DNM3: variants seen among roughly 807,000 people sequenced by gnomAD.
DNM3 encodes dynamin-3.
A neutral mutation model predicts 101.6 loss-of-function variants in DNM3; 47 were observed. That is an observed-to-expected ratio of 0.46 (90% CI 0.37 to 0.59). The LOEUF (loss-of-function observed/expected upper bound fraction) is 0.59, where lower values mean the gene tolerates loss of function less well. DNM3 is among the 20% of genes least tolerant of loss of function. The probability of loss-of-function intolerance (pLI) is 0.00; values close to 1 mark genes in which losing one functional copy is unlikely to be tolerated. For synonymous variants in DNM3, 385 were observed against 387.9 expected (o/e 0.99, Z 0.09); for missense variants, 849 against 1,085.7 (o/e 0.78, Z 3.06).
intron 15 of DNM3, among the ~76,000 whole-genome samples, chr1:172,303,033 G>A (rs915501041): frequency 6.6e-6 from 1 of 152,162 alleles, no homozygotes; most frequent in Non-Finnish European, 1.5e-5. Context: ...GAATGACTTT[G>A]ATGAGTTGAC....
In DNM3 at chr1:171,910,862, G is replaced by A. The variant is rs1274693685; in HGVS notation, c.162-10886G>A. On this transcript the variant is annotated intron_variant, in intron 1 of 20. Transcript: ENST00000627582. ...GCTCCTGGTACTTTTGGAAAAAACA[G>A]GAGGGGCATCTAAATATGCCGGCAT... Among the ~76,000 whole-genome samples, 3 of 152,186 alleles carry A rather than the reference G, an allele frequency of 2.0e-5. No individual in the cohort carries two copies. In the East Asian group the frequency reaches 5.8e-4, roughly 29 times the overall value.
rs1558074249 is a variant in DNM3 at position 172,387,114 on chromosome 1, C to T, written c.2059-19C>T. ...CACTCATTTATTCCCATTTTTATTT[C>T]TCTGTGGTGATCTGACAGGTTAAAG... On this transcript the variant is annotated intron_variant, in intron 18 of 20. Coordinates refer to ENST00000627582, the MANE Select transcript of DNM3 (RefSeq NM_015569.5). The T allele has an allele frequency of 6.3e-7, 1 of 1,593,562 alleles. No homozygotes were observed. The highest frequency in any genetic ancestry group is 1.3e-5 in the African/African-American group (1 of 74,570).
At chr1:172,024,881 G>A (rs2125767246) in intron 4 of DNM3, among the ~76,000 whole-genome samples, 1 of 152,294 alleles carries the variant, frequency 6.6e-6, no homozygotes, top group South Asian at 2.1e-4. Flanking sequence ...TGGCTGTTTG[G>A]GCAGACACCG....
Position 172,033,852 on chromosome 1 carries a change from G to A in DNM3, c.849+587G>A, listed in dbSNP as rs185384537. Among the ~76,000 whole-genome samples the A allele has an allele frequency of 5.3e-5, 8 of 152,106 alleles. No individual in the cohort carries two copies. The East Asian group carries it at 1.6e-3, about 30-fold the overall frequency. On this transcript the variant is annotated intron_variant, in intron 6 of 20. Transcript: ENST00000627582. ...CATGCACTATGCACACACTTCTTCCGTAAATCCTCAATGCTCTTACTTGGT... is the reference window on the plus strand; with the variant it reads ...CATGCACTATGCACACACTTCTTCCATAAATCCTCAATGCTCTTACTTGGT...
intron 1 of DNM3, among the ~76,000 whole-genome samples, chr1:171,890,869 A>T (rs2037208474): frequency 6.6e-6 from 1 of 152,158 alleles, no homozygotes; most frequent in South Asian, 2.1e-4. Flanking sequence ...GGTAAAAATA[A>T]TACTGGACAT....
intron 15 of DNM3, among the ~76,000 whole-genome samples, chr1:172,276,325 G>A (rs2063284902): frequency 6.6e-6 from 1 of 151,982 alleles, no homozygotes; most frequent in South Asian, 2.1e-4. Context: ...TTTGGCTTAG[G>A]TGACCCCTAT....
At chr1:172,248,829 G>T (rs1427294524) in intron 14 of DNM3, among the ~76,000 whole-genome samples, 2 of 152,088 alleles carry the variant, frequency 1.3e-5, no homozygotes, top group African/African-American at 4.8e-5. Context: ...GGCTTTGGTT[G>T]TCAGACATTT....
At position 172,407,722 on chromosome 1, in the gene DNM3, C is replaced by G. The variant is rs1174945780; in HGVS notation, c.2523-50C>G. 8 of 1,578,228 alleles carry G rather than the reference C, an allele frequency of 5.1e-6. No homozygotes were observed. In the East Asian group the frequency reaches 1.8e-4, roughly 35 times the overall value. On this transcript the variant is annotated intron_variant, in intron 20 of 20. Coordinates refer to ENST00000627582, the MANE Select transcript of DNM3 (RefSeq NM_015569.5). ...TTCTCAGTGTCCTTGGAACAATGTT[C>G]TGCTAGATATTCTACTTGTTTCTTT...
intron 2 of DNM3, among the ~76,000 whole-genome samples, chr1:171,933,530 T>C (rs996904410): frequency 3.3e-5 from 5 of 152,174 alleles, no homozygotes; most frequent in Admixed American, 1.3e-4. Flanking sequence ...CTGATATTTA[T>C]GTAGGCAGAG....
At chr1:172,051,000 A>G (rs534762075) in intron 10 of DNM3, among the ~76,000 whole-genome samples, 1 of 151,874 alleles carries the variant, frequency 6.6e-6, no homozygotes, top group Non-Finnish European at 1.5e-5. Flanking sequence ...CTTGCTCTCT[A>G]CCCTTTCCAT....
chr1:172,091,101 A>G (rs1156790252), intron 12 of DNM3, among the ~76,000 whole-genome samples: 1 of 152,168 alleles, frequency 6.6e-6, no homozygotes, highest in Non-Finnish European at 1.5e-5. Context: ...AAGTTGTTGG[A>G]GTCCTTTCTG....
intron 14 of DNM3, among the ~76,000 whole-genome samples, chr1:172,231,446 A>G (rs2061333441): frequency 6.6e-6 from 1 of 152,152 alleles, no homozygotes; most frequent in Non-Finnish European, 1.5e-5. Flanking sequence ...CCATCTGTAC[A>G]TCACCATCAT....
chr1:172,025,010 G>A (rs184047913), intron 4 of DNM3, among the ~76,000 whole-genome samples: 94 of 152,304 alleles, frequency 6.2e-4, no homozygotes, highest in African/African-American at 2.1e-3. Context: ...CTAGCTCAGC[G>A]GATCTCACAC....
In DNM3 at chr1:171,921,734, C is replaced by G; in HGVS notation, c.162-14C>G. The G allele has an allele frequency of 6.4e-7, 1 of 1,569,442 alleles. No homozygotes were observed. Among genetic ancestry groups the G allele is most frequent in the Non-Finnish European group, 8.7e-7 (1 of 1,155,156 alleles). ...TTCCTTCATGCCTTAATCTGTATTT[C>G]TTACTTTTTTTAGGGACTTTCTCCC... On this transcript the variant is annotated splice_polypyrimidine_tract_variant and intron_variant, in intron 1 of 20. Transcript: ENST00000627582.
intron 13 of DNM3, among the ~76,000 whole-genome samples, chr1:172,118,117 G>A (rs2056052379): frequency 6.6e-6 from 1 of 152,170 alleles, no homozygotes; most frequent in Admixed American, 6.5e-5. Context: ...TCAAAGGTGA[G>A]GAAGGAAGGT....
At chr1:172,028,533 C>G (rs985389345) in intron 4 of DNM3, among the ~76,000 whole-genome samples, 3 of 152,016 alleles carry the variant, frequency 2.0e-5, no homozygotes, top group African/African-American at 7.2e-5. Flanking sequence ...CAAACAAATT[C>G]AAAAACTAGC....
intron 13 of DNM3, among the ~76,000 whole-genome samples, chr1:172,107,847 C>T (rs2055175089): frequency 6.6e-6 from 1 of 152,200 alleles, no homozygotes; most frequent in African/African-American, 2.4e-5. Context: ...CGAATCTTTT[C>T]ACATTCAGTG....
At chr1:171,915,435 C>A (rs563272704) in intron 1 of DNM3, among the ~76,000 whole-genome samples, 2 of 152,108 alleles carry the variant, frequency 1.3e-5, no homozygotes, top group East Asian at 1.9e-4. Context: ...TCCAAATAGA[C>A]AAGAGAGGGT....
intron 4 of DNM3, among the ~76,000 whole-genome samples, chr1:172,003,984 A>C (rs2046513920): frequency 3.3e-5 from 5 of 152,086 alleles, no homozygotes; most frequent in Admixed American, 3.3e-4. Context: ...ACCACTCAGC[A>C]GCTGGGAGGT....
Sources: gnomAD v4.1 joint callset for allele counts (sites outside exome capture counted in the v4.1 genomes callset) on GRCh38, gnomAD v4.1.1 for gene constraint, MANE v1.5 for transcripts, NCBI Gene and HGNC (gene_info 2026-07-23, HGNC 2026-07-21) for gene names.